Variants in LAPTM4B observed in about 807,000 individuals in gnomAD.
The protein encoded by LAPTM4B is lysosomal-associated transmembrane protein 4B.
Under a neutral mutation model 28.5 loss-of-function variants are expected in LAPTM4B, and 26 were observed. That is an observed-to-expected ratio of 0.91 (90% CI 0.67 to 1.27). The LOEUF (loss-of-function observed/expected upper bound fraction) is 1.27, where lower values mean the gene tolerates loss of function less well. Among genes scored for constraint, LAPTM4B ranks in the 50% most tolerant of loss-of-function variants. The pLI is 0.00. For synonymous variants in LAPTM4B, 109 were observed against 106.4 expected, an observed-to-expected ratio of 1.02 and a Z score of -0.15; for missense variants, 288 against 285.8, an observed-to-expected ratio of 1.01 and a Z score of -0.06.
intron 1 of LAPTM4B, among the ~76,000 whole-genome samples, chr8:97,798,165 C>T (rs915666297): frequency 3.3e-5 from 5 of 152,104 alleles, no homozygotes; most frequent in South Asian, 2.1e-4. Flanking sequence ...TTGCCATTTT[C>T]GCTCTTTCAG....
chr8:97,782,549 C>T (rs967332248), intron 1 of LAPTM4B, among the ~76,000 whole-genome samples: 1 of 151,828 alleles, frequency 6.6e-6, no homozygotes, highest in Admixed American at 6.6e-5. Flanking sequence ...AGCGATTCTC[C>T]TGCCTCAGTC....
intron 6 of LAPTM4B, among the ~76,000 whole-genome samples, chr8:97,850,474 G>GTGTGTGTGTGTGTA (rs1554594402): frequency 9.6e-5 from 14 of 146,372 alleles, no homozygotes; most frequent in African/African-American, 3.2e-4. Flanking sequence ...GGGTGTGTGT[G>GTGTGTGTGTGTGTA]TGTGTGTGTG....
intron 6 of LAPTM4B, among the ~76,000 whole-genome samples, chr8:97,839,632 G>T (rs1465215019): frequency 6.6e-6 from 1 of 152,270 alleles, no homozygotes; most frequent in African/African-American, 2.4e-5. Flanking sequence ...TGCATCTGGG[G>T]GATCTCAGAG....
At chr8:97,849,706 T>G (rs1817490736) in intron 6 of LAPTM4B, among the ~76,000 whole-genome samples, 1 of 152,204 alleles carries the variant, frequency 6.6e-6, no homozygotes, top group Non-Finnish European at 1.5e-5. Flanking sequence ...TAGCTTGACA[T>G]GGGCTGGGCC....
intron 1 of LAPTM4B, among the ~76,000 whole-genome samples, chr8:97,785,436 A>C (rs893251176): frequency 3.3e-5 from 5 of 152,228 alleles, no homozygotes; most frequent in African/African-American, 1.2e-4. Flanking sequence ...TTGCTATCAA[A>C]ACTGTTTATT....
intron 1 of LAPTM4B, among the ~76,000 whole-genome samples, chr8:97,794,202 A>T (rs1816546221): frequency 1.3e-5 from 2 of 151,482 alleles, no homozygotes; most frequent in African/African-American, 4.9e-5. Context: ...CTGATCTTGA[A>T]CTCCTGAGCT....
intron 2 of LAPTM4B, among the ~76,000 whole-genome samples, chr8:97,807,387 G>T (rs1436953179): frequency 1.3e-5 from 2 of 152,152 alleles, no homozygotes; most frequent in African/African-American, 4.8e-5. Flanking sequence ...CCTGGTCAAC[G>T]TGGCAAAACA....
chr8:97,799,572 A>G (rs1816640367), intron 1 of LAPTM4B, among the ~76,000 whole-genome samples: 1 of 152,134 alleles, frequency 6.6e-6, no homozygotes, highest in African/African-American at 2.4e-5. Flanking sequence ...TTGAGGCCCT[A>G]TTGTGCAGGA....
intron 2 of LAPTM4B, among the ~76,000 whole-genome samples, chr8:97,810,409 T>A (rs893889237): frequency 6.6e-6 from 1 of 152,204 alleles, no homozygotes; most frequent in Non-Finnish European, 1.5e-5. Context: ...GTTGTACCAA[T>A]GTTAATTTCC....
intron 6 of LAPTM4B, 137 bp downstream of exon 6, chr8:97,825,290 A>T (rs1817075358): frequency 2.0e-6 from 1 of 504,732 alleles, no homozygotes; most frequent in Non-Finnish European, 3.6e-6. Flanking sequence ...CAAAAGATTC[A>T]TCTTAGTTAT....
intron 1 of LAPTM4B, among the ~76,000 whole-genome samples, chr8:97,786,399 C>A (rs1266918145): frequency 8.8e-6 from 1 of 113,822 alleles, no homozygotes; most frequent in African/African-American, 4.1e-5. Context: ...GTAAACATAA[C>A]ATTGAACTTA....
intron 1 of LAPTM4B, among the ~76,000 whole-genome samples, chr8:97,786,695 G>A (rs1311822836): frequency 3.6e-5 from 5 of 139,476 alleles, no homozygotes; most frequent in Non-Finnish European, 6.3e-5. Flanking sequence ...CGAGACTCCC[G>A]TCTCAGAAAA....
chr8:97,836,958 T>A (rs78580075), intron 6 of LAPTM4B, among the ~76,000 whole-genome samples: 3 of 151,860 alleles, frequency 2.0e-5, no homozygotes, highest in East Asian at 3.9e-4. Context: ...TATATATATA[T>A]AACATATAAG....
intron 6 of LAPTM4B, among the ~76,000 whole-genome samples, chr8:97,844,210 A>T (rs59628794): frequency 6.6e-6 from 1 of 151,860 alleles, no homozygotes; most frequent in Non-Finnish European, 1.5e-5. Context: ...CTCCTACCCC[A>T]GTCTCCCAAG....
intron 5 of LAPTM4B, among the ~76,000 whole-genome samples, chr8:97,824,708 T>C (rs1034381730): frequency 2.6e-5 from 4 of 152,368 alleles, no homozygotes; most frequent in Admixed American, 1.3e-4. Context: ...CATTCGATTG[T>C]TCTGTGAATT....
At chr8:97,821,546 GGGGTGGA>G (rs1817003261) in intron 5 of LAPTM4B, among the ~76,000 whole-genome samples, 1 of 127,514 alleles carries the variant, frequency 7.8e-6, no homozygotes, top group African/African-American at 5.4e-5. Flanking sequence ...TGTGGATGTA[GGGGTGGA>G]CAGGTGAGGA....
chr8:97,798,776 C>T (rs376862703), intron 1 of LAPTM4B, among the ~76,000 whole-genome samples: 13 of 152,280 alleles, frequency 8.5e-5, no homozygotes, highest in African/African-American at 3.1e-4. Flanking sequence ...CAGCATCAGG[C>T]TGTCAGAACT....
At chr8:97,842,510 TTTG>T (rs375727835) in intron 6 of LAPTM4B, among the ~76,000 whole-genome samples, 77 of 152,216 alleles carry the variant, frequency 5.1e-4, no homozygotes, top group Admixed American at 2.4e-3. Flanking sequence ...TCTTTGTTTT[TTTG>T]TTGTTGTTTT....
intron 6 of LAPTM4B, among the ~76,000 whole-genome samples, chr8:97,838,758 C>T (rs574932117): frequency 8.5e-5 from 13 of 152,138 alleles, no homozygotes; most frequent in South Asian, 2.1e-4. Flanking sequence ...CAGTTCTTCT[C>T]GAGTACAGTC....
Sources: allele counts gnomAD v4.1 joint callset (sites outside exome capture counted in the v4.1 genomes callset), GRCh38; gene constraint gnomAD v4.1.1; transcripts MANE v1.5; gene names NCBI Gene and HGNC (gene_info 2026-07-23, HGNC 2026-07-21).